The following CCDC171 variants were observed in gnomAD, a reference collection of about 807,000 sequenced individuals.
CCDC171 encodes coiled-coil domain containing 171, also known as coiled-coil domain-containing protein 171.
Under a neutral mutation model 168.2 loss-of-function variants are expected in CCDC171, and 177 were observed. That is an observed-to-expected ratio of 1.05 (90% confidence interval 0.93 to 1.19). The LOEUF is 1.19. CCDC171 is among the 50% of genes most tolerant of loss of function. The probability of loss-of-function intolerance (pLI) is 0.00; values close to 1 mark genes in which losing one functional copy is unlikely to be tolerated. For synonymous variants in CCDC171, 687 were observed against 540.8 expected (o/e 1.27, Z -3.75); for missense variants, 1,991 against 1,539.0 (o/e 1.29, Z -4.91).
intron 25 of CCDC171, among the ~76,000 whole-genome samples, chr9:15,957,094 A>T (rs1169207762): frequency 1.3e-5 from 2 of 150,774 alleles, no homozygotes; most frequent in Non-Finnish European, 2.9e-5. Flanking sequence ...TGTCTAATTC[A>T]AGATATGGAA....
At chr9:15,583,381 C>T (rs1317246400) in intron 4 of CCDC171, among the ~76,000 whole-genome samples, 1 of 136,986 alleles carries the variant, frequency 7.3e-6, no homozygotes, top group East Asian at 2.2e-4. Flanking sequence ...CACTGCAGTC[C>T]AGTCTGGTGA....
At position 15,622,478 on chromosome 9, in the gene CCDC171, C is replaced by G. The variant is rs559502223; in HGVS notation, c.676-789C>G. Among the ~76,000 whole-genome samples, 54 of 152,198 alleles carry G rather than the reference C, an allele frequency of 3.5e-4. No homozygotes were observed. In the South Asian group the frequency reaches 6.0e-3, roughly 17 times the overall value. On this transcript the variant is annotated intron_variant, in intron 6 of 25. Transcript: ENST00000380701. ...TTGAGTGGCTAGGTATTCTTGGAAG[C>G]ATATATAAATATTCATGTGTGTTTG...
At chr9:15,890,002 T>G (rs962640934) in intron 24 of CCDC171, among the ~76,000 whole-genome samples, 13 of 152,156 alleles carry the variant, frequency 8.5e-5, no homozygotes, top group Non-Finnish European at 1.8e-4. Context: ...CACTTAATAG[T>G]ATTTAGAGAC....
rs539933734 is a variant in CCDC171, at chr9:15,982,417, C to T, written n.369-38172C>T. 2.6e-5 allele frequency among the ~76,000 whole-genome samples: 4 copies of T among 151,998 alleles called. No homozygotes were observed. The South Asian group carries it at 6.2e-4, about 24-fold the overall frequency. ...CTCTACTGAGCTCTTGTAAGCATTA[C>T]GTGACAGAGTATTTAGCACACAGCC... On this transcript the variant is annotated intron_variant and non_coding_transcript_variant, in intron 3 of 9. Transcript: ENST00000486641.
At chr9:15,757,980 G>T (rs2056227549) in intron 18 of CCDC171, among the ~76,000 whole-genome samples, 1 of 152,204 alleles carries the variant, frequency 6.6e-6, no homozygotes, top group South Asian at 2.1e-4. Flanking sequence ...TGCTACAGGG[G>T]TGGGGCTCTT....
intron 25 of CCDC171, among the ~76,000 whole-genome samples, chr9:15,950,311 A>G (rs1237750026): frequency 1.3e-5 from 2 of 152,122 alleles, no homozygotes; most frequent in Non-Finnish European, 1.5e-5. Context: ...CAACTCCAAG[A>G]CACATAATTG....
chr9:15,888,393 C>T (rs530328595), intron 24 of CCDC171, among the ~76,000 whole-genome samples: 2 of 152,178 alleles, frequency 1.3e-5, no homozygotes, highest in South Asian at 4.1e-4. Context: ...ATAGCCATTC[C>T]AAGACCCAGG....
chr9:15,733,971 C>T (rs189935256), intron 16 of CCDC171, among the ~76,000 whole-genome samples: 13 of 152,140 alleles, frequency 8.5e-5, no homozygotes, highest in Non-Finnish European at 1.6e-4. Flanking sequence ...GATGAGGTCT[C>T]ACTATGTTGC....
chr9:16,000,497 T>C (rs769092653), intron 3 of CCDC171, among the ~76,000 whole-genome samples: 1 of 152,154 alleles, frequency 6.6e-6, no homozygotes, highest in Non-Finnish European at 1.5e-5. Context: ...CATTTTCTAA[T>C]ATGTTGAAGT....
At chr9:16,096,756 T>A in the CCDC171 span, among the ~76,000 whole-genome samples, 6 of 152,138 alleles carry the variant, frequency 3.9e-5, no homozygotes, top group African/African-American at 1.2e-4. Flanking sequence ...GGGCTAGAGG[T>A]AGTGATAGCT....
At position 15,695,256 on chromosome 9, in the gene CCDC171, C is replaced by G; in HGVS notation, c.1237C>G (p.Leu413Val). The G allele has an allele frequency of 1.2e-6, 2 of 1,613,736 alleles. No individual in the cohort carries two copies. The highest frequency in any genetic ancestry group is 1.7e-6 in the Non-Finnish European group (2 of 1,179,694). The change falls in exon 11 of 26, where the codon CTA (leucine) becomes GTA (valine). Residue 413 changes from leucine to valine, a missense_variant. Physicochemically the swap from Leu to Val is conservative, Grantham distance 32 (BLOSUM62 1). Transcript: ENST00000380701. The part of the protein sequence containing the change: ...LVMAKKHQAF[L>V]VETCENNVKE... ...AAAGGCTAAGAAGCACCAGGCCTTC[C>G]TAGTAGAGACATGTGAAAATAACGT...
At chr9:15,829,471 G>A (rs2060143207) in intron 21 of CCDC171, among the ~76,000 whole-genome samples, 1 of 152,070 alleles carries the variant, frequency 6.6e-6, no homozygotes, top group African/African-American at 2.4e-5. Context: ...GAAAGACTTG[G>A]GATTGGATAA....
Position 15,955,299 on chromosome 9 carries a change from G to C in CCDC171, c.3754-16310G>C, listed in dbSNP as rs577307286. Among the ~76,000 whole-genome samples, 408 of 152,258 alleles carry C rather than the reference G, an allele frequency of 2.7e-3. 1 individual carries two copies. The highest frequency in any genetic ancestry group is 9.6e-3 in the African/African-American group (398 of 41,538). On this transcript the variant is annotated intron_variant, in intron 25 of 25. Transcript: ENST00000380701. The stretch of plus-strand genomic sequence containing the variant: ...AGGGGGGAAAAGAGAAAGATGAAGA[G>C]GAGGGAAGAAAGGATGCTGGCCCTT...
intron 18 of CCDC171, among the ~76,000 whole-genome samples, chr9:15,759,931 T>C (rs980936883): frequency 2.0e-5 from 3 of 152,192 alleles, no homozygotes; most frequent in African/African-American, 7.2e-5. Flanking sequence ...AGTTTAGCTT[T>C]GATTTGTAAT....
At chr9:15,877,139 T>G (rs1817949996) in intron 24 of CCDC171, among the ~76,000 whole-genome samples, 1 of 151,966 alleles carries the variant, frequency 6.6e-6, no homozygotes, top group Admixed American at 6.6e-5. Flanking sequence ...TTCAACTTGT[T>G]TCTGAGATCT....
At chr9:15,808,724 A>T (rs1044785793) in intron 21 of CCDC171, among the ~76,000 whole-genome samples, 2 of 152,128 alleles carry the variant, frequency 1.3e-5, no homozygotes, top group Admixed American at 1.3e-4. Context: ...GAGGTCAGGG[A>T]AATGGAGAGG....
intron 3 of CCDC171, among the ~76,000 whole-genome samples, chr9:16,015,005 G>A (rs1832972777): frequency 6.6e-6 from 1 of 151,888 alleles, no homozygotes; most frequent in South Asian, 2.1e-4. Flanking sequence ...ATATAAGACT[G>A]TTTCGTCTAC....
At chr9:15,673,921 T>C (rs2049315331) in intron 9 of CCDC171, among the ~76,000 whole-genome samples, 1 of 152,190 alleles carries the variant, frequency 6.6e-6, no homozygotes, top group Non-Finnish European at 1.5e-5. Flanking sequence ...TCAGAATGAA[T>C]GGTACCAGCT....
At chr9:15,638,280 T>G (rs1461426059) in intron 7 of CCDC171, among the ~76,000 whole-genome samples, 1 of 152,170 alleles carries the variant, frequency 6.6e-6, no homozygotes, top group Admixed American at 6.5e-5. Context: ...TTATATATCA[T>G]GTGTTGTATA....
Sources: gnomAD v4.1 joint callset for allele counts (sites outside exome capture counted in the v4.1 genomes callset) on GRCh38, gnomAD v4.1.1 for gene constraint, MANE v1.5 for transcripts, NCBI Gene and HGNC (gene_info 2026-07-23, HGNC 2026-07-21) for gene names.